The following ROBO2 variants were observed in gnomAD, a reference collection of about 807,000 sequenced individuals.
ROBO2 encodes the protein roundabout homolog 2.
ROBO2 carries 53 observed loss-of-function variants against 160.8 expected under a neutral mutation model. The ratio of observed to expected loss-of-function variants is 0.33; its 90% CI spans 0.26 to 0.41. The LOEUF is 0.41. Ranked by LOEUF, ROBO2 falls within the 10% of genes least tolerant of loss-of-function variation. ROBO2 has a pLI of 1.00. For synonymous variants in ROBO2, 664 were observed against 611.7 expected (o/e 1.09, Z -1.26); for missense variants, 1,577 against 1,722.4 (o/e 0.92, Z 1.49).
intron 21 of ROBO2, among the ~76,000 whole-genome samples, chr3:77,613,406 A>G (rs187192672): frequency 1.1e-4 from 17 of 152,260 alleles, no homozygotes; most frequent in Non-Finnish European, 1.9e-4. Context: ...GAACGAGTGT[A>G]AGTAAGGAAA....
intron 2 of ROBO2, among the ~76,000 whole-genome samples, chr3:77,367,809 A>G (rs7642539): frequency 0.1 from 15,736 of 152,164 alleles, 1,600 homozygotes; most frequent in East Asian, 0.24. Context: ...AGATTTGCCA[A>G]TGTCTGACAC....
intron 2 of ROBO2, among the ~76,000 whole-genome samples, chr3:76,643,575 A>C (rs889512968): frequency 6.6e-6 from 1 of 152,200 alleles, no homozygotes; most frequent in Non-Finnish European, 1.5e-5. Flanking sequence ...ATGTACATTG[A>C]AGTCTAACCA....
chr3:76,094,220 A>G (rs1469348664), intron 2 of ROBO2, among the ~76,000 whole-genome samples: 1 of 152,142 alleles, frequency 6.6e-6, no homozygotes, highest in Admixed American at 6.5e-5. Context: ...AATTTTTCTC[A>G]AAATAATCAA....
At position 77,604,047 on chromosome 3, in the gene ROBO2, AT is replaced by A. The variant is rs1187118202; in HGVS notation, c.3136+1560del. The stretch of plus-strand genomic sequence containing the variant: ...AAACTTTTTACATCATTAGGGTAAC[AT>A]TTTCTAAATTACTTTTCCTCAGGAG... On this transcript the variant is annotated intron_variant, in intron 20 of 25. Coordinates refer to ENST00000461745, the Ensembl canonical transcript of ROBO2. 5 of 152,214 alleles carry A rather than the reference AT, an allele frequency of 3.3e-5. No homozygotes were observed. The South Asian group carries it at 1.0e-3, about 32-fold the overall frequency. The allele number at this position is 152,214 out of a possible 1,614,324, so 9.4% of individuals were successfully genotyped here.
At chr3:76,517,577 A>G (rs2081403089) in intron 2 of ROBO2, among the ~76,000 whole-genome samples, 1 of 152,182 alleles carries the variant, frequency 6.6e-6, no homozygotes, top group South Asian at 2.1e-4. Context: ...AAATAGCTAA[A>G]TGTAAAACGA....
chr3:77,215,292 T>C (rs1027701941), intron 2 of ROBO2, among the ~76,000 whole-genome samples: 5 of 152,194 alleles, frequency 3.3e-5, no homozygotes, highest in Admixed American at 2.6e-4. Context: ...TTTATTCTTT[T>C]TTCTCTAAAC....
At chr3:76,719,331 A>G (rs1313547689) in intron 2 of ROBO2, among the ~76,000 whole-genome samples, 1 of 152,186 alleles carries the variant, frequency 6.6e-6, no homozygotes, top group African/African-American at 2.4e-5. Context: ...TGCCACACAC[A>G]AATGACAATT....
rs372971138 is a variant in ROBO2, at chr3:76,029,614, G to T, written c.109+92012G>T. Among the ~76,000 whole-genome samples the T allele has an allele frequency of 8.5e-5, 13 of 152,212 alleles. No homozygotes were observed. In the East Asian group the frequency reaches 1.9e-3, roughly 23 times the overall value. On this transcript the variant is annotated intron_variant, in intron 2 of 26. Coordinates refer to the ROBO2 transcript ENST00000487694. ...TCTCACCTGTGAGTGAGAACATGTGGTGTTTGGTTTTCTGTCTTTGTGACA... is the reference window on the plus strand; with the variant it reads ...TCTCACCTGTGAGTGAGAACATGTGTTGTTTGGTTTTCTGTCTTTGTGACA...
At chr3:76,230,317 T>C (rs1704544600) in intron 2 of ROBO2, among the ~76,000 whole-genome samples, 1 of 151,482 alleles carries the variant, frequency 6.6e-6, no homozygotes, top group Admixed American at 6.6e-5. Context: ...ATTTCTCATT[T>C]GAAAAAAAAA....
chr3:76,795,061 G>A (rs1304461761), intron 2 of ROBO2, among the ~76,000 whole-genome samples: 1 of 152,038 alleles, frequency 6.6e-6, no homozygotes, highest in Non-Finnish European at 1.5e-5. Context: ...ATATACTGTA[G>A]ACAATTAAGT....
chr3:75,911,627 G>A (rs1195908550), intron 1 of ROBO2, among the ~76,000 whole-genome samples: 2 of 130,196 alleles, frequency 1.5e-5, no homozygotes, highest in Non-Finnish European at 3.1e-5. Context: ...GCGCGATCTC[G>A]ACTCACTGCA....
intron 2 of ROBO2, among the ~76,000 whole-genome samples, chr3:76,437,091 C>T (rs1293274406): frequency 6.6e-6 from 1 of 152,130 alleles, no homozygotes; most frequent in African/African-American, 2.4e-5. Context: ...CTATATGAGT[C>T]ATTGTGATTT....
chr3:76,631,963 A>G (rs142967155), intron 2 of ROBO2, among the ~76,000 whole-genome samples: 19 of 152,348 alleles, frequency 1.2e-4, no homozygotes, highest in Middle Eastern at 3.4e-3. Flanking sequence ...GCAAATACCA[A>G]CATATCATTA....
chr3:76,088,584 A>G (rs937540078), intron 2 of ROBO2, among the ~76,000 whole-genome samples: 1 of 152,056 alleles, frequency 6.6e-6, no homozygotes, highest in East Asian at 1.9e-4. Context: ...ATCCCAAAAT[A>G]CTTGGACGTT....
chr3:76,601,706 G>A (rs2087156757), intron 2 of ROBO2, among the ~76,000 whole-genome samples: 1 of 152,184 alleles, frequency 6.6e-6, no homozygotes, highest in Admixed American at 6.5e-5. Context: ...GTGATTGAAG[G>A]GGTTGCTGTG....
intron 21 of ROBO2, among the ~76,000 whole-genome samples, chr3:77,616,926 C>T (rs1285643177): frequency 6.6e-6 from 1 of 151,950 alleles, no homozygotes; most frequent in Non-Finnish European, 1.5e-5. Context: ...TTTTGAACTC[C>T]TGTTTTGTGA....
At chr3:77,189,644 CTT>C (rs1259868710) in intron 2 of ROBO2, among the ~76,000 whole-genome samples, 1 of 151,848 alleles carries the variant, frequency 6.6e-6, no homozygotes, top group Non-Finnish European at 1.5e-5. Flanking sequence ...TCTGGTGAGA[CTT>C]TTGTGAAACA....
intron 2 of ROBO2, among the ~76,000 whole-genome samples, chr3:76,730,242 T>G (rs1398423737): frequency 8.5e-6 from 1 of 117,200 alleles, no homozygotes; most frequent in African/African-American, 3.6e-5. Flanking sequence ...CCTCACCTCC[T>G]ACTCCCTACC....
At chr3:77,489,573 C>A (rs2085810846) in intron 4 of ROBO2, among the ~76,000 whole-genome samples, 1 of 152,128 alleles carries the variant, frequency 6.6e-6, no homozygotes, top group African/African-American at 2.4e-5. Flanking sequence ...ATGGTATCCC[C>A]TTGAGGAAGG....
Sources: allele counts gnomAD v4.1 joint callset (sites outside exome capture counted in the v4.1 genomes callset), GRCh38; gene constraint gnomAD v4.1.1; transcripts MANE v1.5; gene names NCBI Gene and HGNC (gene_info 2026-07-23, HGNC 2026-07-21).